The following PXDNL variants were observed in gnomAD, a reference collection of about 807,000 sequenced individuals.
PXDNL encodes peroxidasin like.
Under a neutral mutation model 150.8 loss-of-function variants are expected in PXDNL, and 145 were observed. The observed-to-expected ratio is 0.96, with a 90% CI of 0.84 to 1.10. The LOEUF (loss-of-function observed/expected upper bound fraction) is 1.10. Ranked by LOEUF, PXDNL falls within the 50% of genes least tolerant of loss-of-function variation. PXDNL has a pLI of 0.00. For missense variants in PXDNL, 2,087 were observed against 1,873.9 expected (o/e 1.11, Z -2.10); for synonymous variants, 757 against 725.7 (o/e 1.04, Z -0.69).
intron 1 of PXDNL, among the ~76,000 whole-genome samples, chr8:51,801,588 TTCTC>T (rs2037621410): frequency 6.6e-6 from 1 of 152,160 alleles, no homozygotes; most frequent in South Asian, 2.1e-4. Context: ...TTTGCACTCT[TTCTC>T]TTTATTTCTC....
chr8:51,622,894 C>T (rs990919499), intron 2 of PXDNL, among the ~76,000 whole-genome samples: 4 of 152,216 alleles, frequency 2.6e-5, no homozygotes, highest in Non-Finnish European at 5.9e-5. Context: ...GGGCCCAGCT[C>T]ACCCCAACAT....
At chr8:51,744,093 G>GGAAAGAAAGAAA (rs1259792170) in intron 1 of PXDNL, among the ~76,000 whole-genome samples, 9 of 41,174 alleles carry the variant, frequency 2.2e-4, no homozygotes, top group East Asian at 7.4e-4. Flanking sequence ...AAGGAAGGAA[G>GGAAAGAAAGAAA]GAAAGAAAGA....
chr8:51,633,319 A>C (rs1585634516), intron 2 of PXDNL, among the ~76,000 whole-genome samples: 1 of 152,058 alleles, frequency 6.6e-6, no homozygotes, highest in Admixed American at 6.6e-5. Flanking sequence ...ACCTAGGTTG[A>C]TTCTGTCTTT....
intron 1 of PXDNL, among the ~76,000 whole-genome samples, chr8:51,776,102 C>T (rs112989121): frequency 1.3e-4 from 20 of 152,292 alleles, no homozygotes; most frequent in African/African-American, 4.8e-4. Flanking sequence ...AAATTCCCGC[C>T]TAATAAATTT....
chr8:51,493,713 A>G (rs1563437052), intron 5 of PXDNL, among the ~76,000 whole-genome samples: 1 of 152,212 alleles, frequency 6.6e-6, no homozygotes, highest in Non-Finnish European at 1.5e-5. Flanking sequence ...AAATGAAGCA[A>G]GAAGAGAAGT....
In PXDNL at chr8:51,339,668, A is replaced by G; in HGVS notation, c.4102T>C (p.Phe1368Leu). The G allele has an allele frequency of 6.2e-7, 1 of 1,613,790 alleles. No individual in the cohort carries two copies. The highest frequency in any genetic ancestry group is 2.2e-5 in the East Asian group (1 of 44,868). The change falls in exon 21 of 23, where the codon TTT becomes CTT. Residue 1368 changes from phenylalanine (F) to leucine (L), a missense_variant. Phe to Leu is a conservative substitution (Grantham distance 22). Transcript: ENST00000356297. ...KTKFSQDFST[F>L]AAEIQETITA... ...ATGGTTTCCTGAATTTCCGCTGCAAACGTGCTGAAATCTTGGGAGAACTTT... is the reference window on the plus strand; with the variant it reads ...ATGGTTTCCTGAATTTCCGCTGCAAGCGTGCTGAAATCTTGGGAGAACTTT...
At chr8:51,483,230 G>C (rs750369241) in intron 6 of PXDNL, among the ~76,000 whole-genome samples, 7 of 152,148 alleles carry the variant, frequency 4.6e-5, no homozygotes, top group Non-Finnish European at 7.3e-5. Flanking sequence ...GCTTAATGTA[G>C]GAGGAAATGA....
chr8:51,695,497 C>CGCACGCAT (rs1263039746), intron 1 of PXDNL, among the ~76,000 whole-genome samples: 1 of 151,756 alleles, frequency 6.6e-6, no homozygotes, highest in Non-Finnish European at 1.5e-5. Context: ...CACGCACGCA[C>CGCACGCAT]GCATACTTCT....
intron 1 of PXDNL, among the ~76,000 whole-genome samples, chr8:51,681,902 C>T (rs900547823): frequency 1.3e-4 from 20 of 152,070 alleles, no homozygotes; most frequent in Admixed American, 3.9e-4. Context: ...CTGTATAAAT[C>T]TATCATACAA....
intron 17 of PXDNL, among the ~76,000 whole-genome samples, chr8:51,378,962 C>T (rs534599187): frequency 3.3e-5 from 5 of 152,194 alleles, no homozygotes; most frequent in Admixed American, 2.0e-4. Context: ...CAAGAACCCA[C>T]CAATTCTGGA....
intron 1 of PXDNL, among the ~76,000 whole-genome samples, chr8:51,728,809 G>C (rs1023387576): frequency 3.9e-4 from 59 of 152,170 alleles, no homozygotes; most frequent in African/African-American, 1.3e-3. Flanking sequence ...ATTTAGTGTA[G>C]CCTAAGTCTA....
At chr8:51,366,037 C>G (rs1806908324) in intron 19 of PXDNL, among the ~76,000 whole-genome samples, 1 of 152,164 alleles carries the variant, frequency 6.6e-6, no homozygotes, top group Admixed American at 6.5e-5. Context: ...CATGAACACA[C>G]AAAATTACTT....
chr8:51,776,764 C>A (rs1342483621), intron 1 of PXDNL, among the ~76,000 whole-genome samples: 1 of 152,018 alleles, frequency 6.6e-6, no homozygotes, highest in Non-Finnish European at 1.5e-5. Context: ...GGTGTAATTC[C>A]CCAGCTGTCC....
chr8:51,781,939 C>CCT (rs746293850), intron 1 of PXDNL, among the ~76,000 whole-genome samples: 4 of 152,222 alleles, frequency 2.6e-5, no homozygotes, highest in Non-Finnish European at 5.9e-5. Context: ...CCATCCTCCT[C>CCT]ATGGTGACTT....
intron 16 of PXDNL, among the ~76,000 whole-genome samples, chr8:51,410,148 C>T (rs1563399766): frequency 1.3e-5 from 2 of 152,190 alleles, no homozygotes; most frequent in African/African-American, 4.8e-5. Flanking sequence ...CCACATGATA[C>T]TTGACAAGGA....
chr8:51,799,125 A>T (rs2037592445), intron 1 of PXDNL, among the ~76,000 whole-genome samples: 1 of 152,196 alleles, frequency 6.6e-6, no homozygotes, highest in Admixed American at 6.5e-5. Context: ...TCCTTAGCAA[A>T]CTAATACAGG....
intron 2 of PXDNL, among the ~76,000 whole-genome samples, chr8:51,651,107 A>C (rs1007917998): frequency 6.6e-6 from 1 of 152,268 alleles, no homozygotes; most frequent in Non-Finnish European, 1.5e-5. Context: ...AATAAATAGA[A>C]CATATAATTT....
At chr8:51,480,504 C>T (rs1460217145) in intron 6 of PXDNL, among the ~76,000 whole-genome samples, 1 of 152,144 alleles carries the variant, frequency 6.6e-6, no homozygotes, top group Admixed American at 6.5e-5. Context: ...GAAGGATCTG[C>T]CCCCATGAAC....
chr8:51,341,166 A>G (rs1805974883), intron 20 of PXDNL, among the ~76,000 whole-genome samples: 1 of 152,244 alleles, frequency 6.6e-6, no homozygotes, highest in South Asian at 2.1e-4. Flanking sequence ...ATTCTTTCAA[A>G]GCAGAACAGT....
Sources: gnomAD v4.1 joint callset for allele counts (sites outside exome capture counted in the v4.1 genomes callset) on GRCh38, gnomAD v4.1.1 for gene constraint, MANE v1.5 for transcripts, NCBI Gene and HGNC (gene_info 2026-07-23, HGNC 2026-07-21) for gene names.